Variants in TANC1 observed in about 807,000 individuals in gnomAD.
TANC1 encodes protein TANC1.
In TANC1, 77 loss-of-function variants were observed where a neutral mutation model predicts 149.7. That is an observed-to-expected ratio of 0.51 (90% CI 0.43 to 0.62). TANC1 has a LOEUF of 0.62. Among genes scored for constraint, TANC1 ranks in the 20% least tolerant of loss-of-function variants. TANC1 has a pLI of 0.00. For missense variants in TANC1, 1,985 were observed against 2,321.8 expected (o/e 0.85, Z 2.98); for synonymous variants, 854 against 925.0 (o/e 0.92, Z 1.39).
intron 10 of TANC1, among the ~76,000 whole-genome samples, chr2:159,171,358 G>A (rs548754334): frequency 9.2e-5 from 14 of 152,306 alleles, no homozygotes; most frequent in Middle Eastern, 3.4e-3. Flanking sequence ...TAGGCCAGGC[G>A]CTGTGACTCA....
chr2:159,225,350 C>G (rs182271657), intron 23 of TANC1: 1 of 382,276 alleles, frequency 2.6e-6, no homozygotes, highest in East Asian at 6.1e-5. Flanking sequence ...CATGCCTGCA[C>G]GGTGGCCGCT....
At chr2:159,211,521 G>A (rs1311761455) in intron 19 of TANC1, among the ~76,000 whole-genome samples, 1 of 152,220 alleles carries the variant, frequency 6.6e-6, no homozygotes, top group Non-Finnish European at 1.5e-5. Flanking sequence ...ACTGGAGCCT[G>A]GTGGGCAGCA....
chr2:159,186,855 C>T (rs1559419591), intron 15 of TANC1, 47 bp from the exon 16 acceptor site: 2 of 1,612,388 alleles, frequency 1.2e-6, no homozygotes. Context: ...GATGCTCAGG[C>T]AGATCTGTCT....
At chr2:159,049,104 C>G (rs2041283574) in intron 2 of TANC1, among the ~76,000 whole-genome samples, 1 of 152,184 alleles carries the variant, frequency 6.6e-6, no homozygotes, top group African/African-American at 2.4e-5. Flanking sequence ...CCTCTTCCAT[C>G]ATATTTGGTT....
intron 2 of TANC1, chr2:159,060,169 T>G: frequency 1.5e-6 from 1 of 651,648 alleles, no homozygotes; most frequent in Non-Finnish European, 1.9e-6. Flanking sequence ...CAGAGGATGT[T>G]TTTGATGCTT....
chr2:159,168,973 C>CA (rs1321481700), intron 8 of TANC1, among the ~76,000 whole-genome samples: 1 of 152,098 alleles, frequency 6.6e-6, no homozygotes, highest in Non-Finnish European at 1.5e-5. Context: ...CCTCATCAAA[C>CA]ACTTTATGGT....
At chr2:159,028,147 T>C (rs183852652) in intron 2 of TANC1, among the ~76,000 whole-genome samples, 3 of 151,960 alleles carry the variant, frequency 2.0e-5, no homozygotes, top group African/African-American at 7.2e-5. Flanking sequence ...TGATACGGAG[T>C]CTCACTCTTG....
chr2:159,219,975 A>AGTGT (rs775529868), intron 22 of TANC1, 108 bp downstream of exon 22: 12,429 of 735,868 alleles, frequency 0.017, 114 homozygotes, highest in Admixed American at 0.037. Context: ...GTGTCATCAG[A>AGTGT]GAGTGTGTGT....
At chr2:159,048,847 T>A (rs941854764) in intron 2 of TANC1, among the ~76,000 whole-genome samples, 6 of 152,286 alleles carry the variant, frequency 3.9e-5, no homozygotes, top group Admixed American at 3.3e-4. Flanking sequence ...CCCAGGCTGG[T>A]CTTGAACTCT....
chr2:159,004,506 A>T (rs1358923134), intron 2 of TANC1, among the ~76,000 whole-genome samples: 6 of 151,610 alleles, frequency 4.0e-5, no homozygotes, highest in Non-Finnish European at 8.8e-5. Flanking sequence ...ACTTCCTCCC[A>T]GGATTTTTTT....
intron 19 of TANC1, among the ~76,000 whole-genome samples, chr2:159,203,199 C>CTTTTT (rs756888144): frequency 9.0e-6 from 1 of 111,610 alleles, no homozygotes; most frequent in Non-Finnish European, 2.3e-5. Flanking sequence ...ATTCGATAGG[C>CTTTTT]TTTTCTTTTC....
rs77143943 is a variant in TANC1, at chr2:159,071,520, A to C, written c.61+5549A>C. 2.1e-3 allele frequency among the ~76,000 whole-genome samples: 321 copies of C among 152,274 alleles called. 2 individuals are homozygous for C. Among genetic ancestry groups the C allele is most frequent in the African/African-American group, 7.2e-3 (298 of 41,554 alleles). ...GCCTGTGTGTGTACTGAATTAATCTATTAGCTTTGCATCTAATTCTTCACT... is the reference window on the plus strand; with the variant it reads ...GCCTGTGTGTGTACTGAATTAATCTCTTAGCTTTGCATCTAATTCTTCACT... On this transcript the variant is annotated intron_variant, in intron 3 of 26. Transcript: ENST00000263635.
intron 19 of TANC1, among the ~76,000 whole-genome samples, chr2:159,213,705 G>A (rs2059152086): frequency 6.6e-6 from 1 of 152,044 alleles, no homozygotes; most frequent in Non-Finnish European, 1.5e-5. Context: ...GTTAAGAACG[G>A]CTCTTCCTGT....
intron 1 of TANC1, among the ~76,000 whole-genome samples, chr2:158,974,970 C>T (rs1344661722): frequency 4.1e-5 from 5 of 123,058 alleles, no homozygotes; most frequent in South Asian, 5.2e-4. Context: ...CCAGGCTGGT[C>T]TCAACTCTTG....
intron 7 of TANC1, among the ~76,000 whole-genome samples, chr2:159,151,103 C>G (rs1011512560): frequency 2.6e-5 from 4 of 152,176 alleles, no homozygotes; most frequent in African/African-American, 9.7e-5. Context: ...AGTCAGGAGA[C>G]TTGGGTTCCA....
chr2:159,069,230 G>GT (rs1324846854), intron 3 of TANC1, among the ~76,000 whole-genome samples: 4 of 152,084 alleles, frequency 2.6e-5, no homozygotes, highest in Non-Finnish European at 4.4e-5. Flanking sequence ...ACTTTACCAT[G>GT]TTTTTTTAGA....
chr2:159,159,738 GA>G (rs1181705993), intron 7 of TANC1, among the ~76,000 whole-genome samples: 24 of 151,164 alleles, frequency 1.6e-4, no homozygotes, highest in African/African-American at 4.4e-4. Context: ...GAGAGAGAGA[GA>G]GAGAGAGAGA....
At chr2:159,043,944 A>T (rs866297183) in intron 2 of TANC1, among the ~76,000 whole-genome samples, 2 of 152,138 alleles carry the variant, frequency 1.3e-5, no homozygotes, top group Non-Finnish European at 2.9e-5. Flanking sequence ...GGGTCATGTC[A>T]GTTAAAGCTG....
chr2:159,169,507 C>T (rs1405668234), intron 9 of TANC1, 135 bp downstream of exon 9: 2 of 923,416 alleles, frequency 2.2e-6, no homozygotes, highest in South Asian at 1.8e-5. Context: ...AAAAGCATAT[C>T]TGTGAGGTGT....
Sources: allele counts gnomAD v4.1 joint callset (sites outside exome capture counted in the v4.1 genomes callset), GRCh38; gene constraint gnomAD v4.1.1; transcripts MANE v1.5; gene names NCBI Gene and HGNC (gene_info 2026-07-23, HGNC 2026-07-21).